NLRP8: variants seen among roughly 807,000 people sequenced by gnomAD.
The protein encoded by NLRP8 is NLR family pyrin domain containing 8.
A neutral mutation model predicts 88.7 loss-of-function variants in NLRP8; 86 were observed. The ratio of observed to expected loss-of-function variants is 0.97; its 90% CI spans 0.81 to 1.16. NLRP8 has a LOEUF of 1.16. NLRP8 is among the 50% of genes most tolerant of loss of function. The pLI is 0.00. For missense variants in NLRP8, 1,342 were observed against 1,286.5 expected, an observed-to-expected ratio of 1.04 and a Z score of -0.66; for synonymous variants, 504 against 494.6, an observed-to-expected ratio of 1.02 and a Z score of -0.25.
intron 3 of NLRP8, among the ~76,000 whole-genome samples, chr19:55,959,596 C>T (rs1979525349): frequency 6.6e-6 from 1 of 152,178 alleles, no homozygotes; most frequent in African/African-American, 2.4e-5. Flanking sequence ...GATATCACTT[C>T]ATATTTCTTG....
intron 4 of NLRP8, among the ~76,000 whole-genome samples, chr19:55,964,779 A>G (rs2123204638): frequency 6.6e-6 from 1 of 151,888 alleles, no homozygotes; most frequent in East Asian, 1.9e-4. Flanking sequence ...AAAAAGAACT[A>G]GTTAGCCACC....
intron 3 of NLRP8, among the ~76,000 whole-genome samples, chr19:55,957,845 C>G (rs1306145999): frequency 6.6e-6 from 1 of 151,622 alleles, no homozygotes; most frequent in East Asian, 1.9e-4. Flanking sequence ...CTCCACTCGA[C>G]CAAAACTCTT....
intron 2 of NLRP8, 84 bp downstream of exon 2, chr19:55,952,696 A>T: frequency 1.0e-6 from 1 of 991,250 alleles, no homozygotes; most frequent in Non-Finnish European, 1.6e-6. Flanking sequence ...GGCAAGCCAG[A>T]TTTTAAGTTA....
At chr19:55,954,256 C>CT (rs1327119861) in intron 2 of NLRP8, among the ~76,000 whole-genome samples, 1 of 152,146 alleles carries the variant, frequency 6.6e-6, no homozygotes, top group African/African-American at 2.4e-5. Flanking sequence ...ATTTCAACAG[C>CT]TTTACGCCCG....
Position 55,988,497 on chromosome 19 carries a change from T to C in NLRP8, c.*584T>C, listed in dbSNP as rs1218201255. On this transcript the variant is annotated 3_prime_UTR_variant, in exon 10 of 10. Transcript: ENST00000291971. ...TATATAAAGTTTAAATGAAATGCTT[T>C]GAGTCACCTAAGACAGGATATAGAC... 1.4e-5 allele frequency: 2 copies of C among 147,606 alleles called. No individual in the cohort carries two copies. The highest frequency in any genetic ancestry group is 2.5e-5 in the African/African-American group (1 of 39,924). The allele number at this position is 147,606 out of a possible 1,614,324, so 9.1% of individuals were successfully genotyped here.
intron 6 of NLRP8, among the ~76,000 whole-genome samples, chr19:55,972,239 T>C (rs172588): frequency 0.76 from 115,122 of 150,988 alleles, 44,273 homozygotes; most frequent in East Asian, 0.88. Context: ...CTGAGCCTTC[T>C]GAGTAGCTGG....
At chr19:55,951,170 T>C (rs1468337375) in intron 1 of NLRP8, among the ~76,000 whole-genome samples, 2 of 152,350 alleles carry the variant, frequency 1.3e-5, no homozygotes, top group East Asian at 1.9e-4. Flanking sequence ...AAGGCCATGC[T>C]GTGCCTTAGG....
rs202172738 is a variant in NLRP8, at chr19:55,954,562, G to T, written c.504G>T (p.Thr168=). ...AGTTTTTCCCCATATGGGACATTAC[G>T]ACTTGGCCTGGAAACCAGAGGGACT... Residue 168 remains threonine (T), a synonymous_variant, in exon 3 of 10, where the codon ACG becomes ACT. Transcript: ENST00000291971. 2 of 1,614,064 alleles carry T rather than the reference G, an allele frequency of 1.2e-6. No individual in the cohort carries two copies. Among genetic ancestry groups the T allele is most frequent in the Non-Finnish European group, 1.7e-6 (2 of 1,180,026 alleles).
chr19:55,981,626 G>T (rs546588736), intron 9 of NLRP8, among the ~76,000 whole-genome samples: 4 of 152,164 alleles, frequency 2.6e-5, no homozygotes, highest in Admixed American at 6.6e-5. Flanking sequence ...TGTTCTTAAC[G>T]TGTCTGGGGA....
Position 55,948,108 on chromosome 19 carries a change from T to C in NLRP8, c.206T>C (p.Met69Thr), listed in dbSNP as rs773733862. ...CTGACTGAGCTCAGTACTGGCACCA[T>C]GCCCATCACCTGGGACCAGGTCGAG... The change falls in exon 1 of 10, where the codon ATG becomes ACG. Residue 69 changes from methionine to threonine, a missense_variant. Transcript: ENST00000291971. 2 of 1,614,180 alleles carry C rather than the reference T, an allele frequency of 1.2e-6. No individual in the cohort carries two copies. Among genetic ancestry groups the C allele is most frequent in the South Asian group, 2.2e-5 (2 of 91,078 alleles).
chr19:55,957,668 AATAATTATATATATAT>A (rs1979416665), intron 3 of NLRP8, among the ~76,000 whole-genome samples: 2 of 77,890 alleles, frequency 2.6e-5, no homozygotes, highest in African/African-American at 1.5e-4. Flanking sequence ...AAGAAAAAAT[AATAATTATATATATAT>A]ATATATATAT....
In NLRP8 at chr19:55,983,463, CAAA is replaced by C. The variant is rs3974175; in HGVS notation, c.3047+3918_3047+3920del. On this transcript the variant is annotated intron_variant, in intron 9 of 9. Transcript: ENST00000291971. The stretch of plus-strand genomic sequence containing the variant: ...TGGGTGACAGAATGAGACTCCATCT[CAAA>C]AAAAAAAAAAAAAAAAAAGCAAATA... Among the ~76,000 whole-genome samples, 191 of 85,270 alleles carry C rather than the reference CAAA, an allele frequency of 2.2e-3. 1 individual carries two copies. Among genetic ancestry groups the C allele is most frequent in the Middle Eastern group, 7.6e-3 (1 of 132 alleles). The allele number at this position is 85,270 out of a possible 152,430, so 55.9% of individuals were successfully genotyped here. A position where few individuals can be genotyped will look rare whatever the true frequency, so the allele number is the denominator to read the frequency against.
intron 8 of NLRP8, among the ~76,000 whole-genome samples, chr19:55,977,029 G>A (rs1226789327): frequency 4.8e-5 from 7 of 144,468 alleles, no homozygotes; most frequent in South Asian, 4.4e-4. Flanking sequence ...GCAGTGAGCC[G>A]AGATCACACC....
intron 6 of NLRP8, among the ~76,000 whole-genome samples, chr19:55,973,181 T>C (rs1312626359): frequency 2.0e-5 from 3 of 152,240 alleles, no homozygotes; most frequent in Non-Finnish European, 2.9e-5. Context: ...AGGTTTCAAT[T>C]TGCAGTTCCC....
At position 55,966,372 on chromosome 19, in the gene NLRP8, G is replaced by A. The variant is rs1979842653; in HGVS notation, c.2373G>A (p.Gln791=). The A allele has an allele frequency of 6.2e-7, 1 of 1,613,666 alleles. No individual in the cohort carries two copies. The highest frequency in any genetic ancestry group is 8.5e-7 in the Non-Finnish European group (1 of 1,179,678). The stretch of plus-strand genomic sequence containing the variant: ...TGAGATCCCCCCGGTGCCGTCTGCA[G>A]TGTCTCAGGTGAGATTTGAGAGGGG... The change falls in exon 5 of 10, where the codon CAG becomes CAA. Residue 791 remains glutamine, a synonymous_variant. Transcript: ENST00000291971.
chr19:55,968,403 C>A (rs1979936423), intron 5 of NLRP8, among the ~76,000 whole-genome samples: 2 of 151,928 alleles, frequency 1.3e-5, no homozygotes, highest in African/African-American at 4.8e-5. Context: ...CACGCCATTG[C>A]ACTCCAGCCT....
chr19:55,969,874 C>T (rs888317896), intron 5 of NLRP8, among the ~76,000 whole-genome samples: 1 of 152,152 alleles, frequency 6.6e-6, no homozygotes, highest in African/African-American at 2.4e-5. Flanking sequence ...CAATGCTTCA[C>T]TGAATGTCTT....
In NLRP8 at chr19:55,985,235, G is replaced by A. The variant is rs7260402; in HGVS notation, c.3048-2579G>A. ...GGAGAATCGCTTGAACTGGGGAGGC[G>A]GAGGTTGCAGTGAGCTGAGATCATG... On this transcript the variant is annotated intron_variant, in intron 9 of 9. Coordinates refer to ENST00000291971, the MANE Select transcript of NLRP8 (RefSeq NM_176811.2). Among the ~76,000 whole-genome samples, 1,231 of 152,154 alleles carry A rather than the reference G, an allele frequency of 8.1e-3. 22 individuals carry two copies. The highest frequency in any genetic ancestry group is 0.028 in the African/African-American group (1,174 of 41,512).
At chr19:55,961,231 C>T (rs1350401122) in intron 3 of NLRP8, among the ~76,000 whole-genome samples, 3 of 152,026 alleles carry the variant, frequency 2.0e-5, no homozygotes, top group African/African-American at 7.2e-5. Flanking sequence ...ATGCAACCAA[C>T]AGCAATCTTC....
Sources: allele counts gnomAD v4.1 joint callset (sites outside exome capture counted in the v4.1 genomes callset), GRCh38; gene constraint gnomAD v4.1.1; transcripts MANE v1.5; gene names NCBI Gene and HGNC (gene_info 2026-07-23, HGNC 2026-07-21).